Variants in TMEM232 observed in about 807,000 individuals in gnomAD.
TMEM232 encodes the protein transmembrane protein 232.
A neutral mutation model predicts 78.8 loss-of-function variants in TMEM232; 80 were observed. That is an observed-to-expected ratio of 1.01 (90% CI 0.85 to 1.22). TMEM232 has a LOEUF of 1.22. Among genes scored for constraint, TMEM232 ranks in the 50% most tolerant of loss-of-function variants. TMEM232 has a pLI of 0.00. For synonymous variants in TMEM232, 297 were observed against 254.3 expected (o/e 1.17, Z -1.60); for missense variants, 881 against 742.2 (o/e 1.19, Z -2.17).
At chr5:110,594,647 T>G (rs558741320) in intron 10 of TMEM232, among the ~76,000 whole-genome samples, 1 of 152,244 alleles carries the variant, frequency 6.6e-6, no homozygotes, top group African/African-American at 2.4e-5. Context: ...TTACTGCAAC[T>G]CCAGTAGGCA....
intron 11 of TMEM232, among the ~76,000 whole-genome samples, chr5:110,544,410 G>A (rs1773521140): frequency 1.7e-5 from 2 of 120,822 alleles, no homozygotes; most frequent in African/African-American, 3.2e-5. Context: ...CAGCCCAAAG[G>A]AATTAGGATG....
intron 10 of TMEM232, among the ~76,000 whole-genome samples, chr5:110,596,072 G>A (rs1780122252): frequency 6.6e-6 from 1 of 152,106 alleles, no homozygotes; most frequent in Non-Finnish European, 1.5e-5. Flanking sequence ...ACTAACGGCA[G>A]ATCTCTCAGC....
chr5:110,588,743 T>C (rs1193801079), intron 10 of TMEM232, among the ~76,000 whole-genome samples: 1 of 152,182 alleles, frequency 6.6e-6, no homozygotes, highest in Non-Finnish European at 1.5e-5. Context: ...TTTGGGAGAC[T>C]GGGAGTCCTA....
intron 12 of TMEM232, among the ~76,000 whole-genome samples, chr5:110,500,302 A>T (rs1766115577): frequency 6.6e-6 from 1 of 151,130 alleles, no homozygotes; most frequent in Non-Finnish European, 1.5e-5. Context: ...AAAAAAAAAA[A>T]AAAAAGAAAG....
At chr5:110,415,256 C>T (rs536544421), downstream of TMEM232, among the ~76,000 whole-genome samples, 266 of 151,336 alleles carry the variant, frequency 1.8e-3, 2 homozygotes, top group African/African-American at 6.1e-3. Flanking sequence ...GGTGCGATCT[C>T]GGTTCACTGC....
chr5:110,725,478 A>G (rs1473050768), intron 1 of TMEM232: 1 of 152,238 alleles, frequency 6.6e-6, no homozygotes, highest in Non-Finnish European at 1.5e-5. Context: ...CAAATTTATC[A>G]TAACAATGAA....
chr5:110,432,383 C>T (rs985502376), intron 12 of TMEM232, among the ~76,000 whole-genome samples: 6 of 151,644 alleles, frequency 4.0e-5, no homozygotes, highest in Middle Eastern at 3.4e-3. Flanking sequence ...CCTGCCAAAC[C>T]GAGCTTCATA....
upstream of TMEM232, chr5:110,738,203 G>T (rs1289941902): frequency 4.7e-6 from 6 of 1,286,218 alleles, no homozygotes; most frequent in Non-Finnish European, 6.1e-6. Flanking sequence ...CCTCAGATCT[G>T]GGGAGGGAGC....
intron 10 of TMEM232, among the ~76,000 whole-genome samples, chr5:110,583,742 G>T (rs1778468983): frequency 6.6e-6 from 1 of 151,552 alleles, no homozygotes; most frequent in South Asian, 2.1e-4. Flanking sequence ...TCTATATGTT[G>T]AAACATTAAT....
At chr5:110,686,292 G>T (rs1054247895) in intron 1 of TMEM232, among the ~76,000 whole-genome samples, 1 of 151,972 alleles carries the variant, frequency 6.6e-6, no homozygotes, top group East Asian at 1.9e-4. Context: ...GGGTCTCTTG[G>T]GACATGCAGA....
rs574073655 is a variant in TMEM232, at chr5:110,399,220, A to G, written n.309-1366T>C. The stretch of plus-strand genomic sequence containing the variant: ...TGACAGTTGGTTTTCTTCTGAGCAT[A>G]GCCATTAATCCTGCTGTCAGGAGGA... On this transcript the variant is annotated intron_variant and non_coding_transcript_variant, in intron 2 of 8. Coordinates refer to the TMEM232 transcript ENST00000507188. 2.2e-4 allele frequency among the ~76,000 whole-genome samples: 33 copies of G among 152,216 alleles called. 1 individual carries two copies. Among genetic ancestry groups the G allele is most frequent in the Admixed American group, 7.2e-4 (11 of 15,282 alleles).
intron 12 of TMEM232, among the ~76,000 whole-genome samples, chr5:110,465,736 G>A (rs1051160227): frequency 1.3e-5 from 2 of 152,036 alleles, no homozygotes; most frequent in African/African-American, 4.8e-5. Flanking sequence ...AAAAAATTGG[G>A]TGTTACTAAT....
chr5:110,588,188 A>G lies in TMEM232; in HGVS notation c.1276+16921T>C, dbSNP rs149310368. On this transcript the variant is annotated intron_variant, in intron 10 of 13. Coordinates refer to ENST00000455884, the MANE Select transcript of TMEM232 (RefSeq NM_001039763.4). ...GTTAAAATGAATCAAAATGAAACATACAAAGCTATTTCACAACTGTGACAT... is the reference window on the plus strand; with the variant it reads ...GTTAAAATGAATCAAAATGAAACATGCAAAGCTATTTCACAACTGTGACAT... Among the ~76,000 whole-genome samples, 1,474 of 152,264 alleles carry G rather than the reference A, an allele frequency of 9.7e-3. 8 individuals are homozygous for G. The highest frequency in any genetic ancestry group is 0.02 in the Middle Eastern group (6 of 294).
rs187341142 is a variant in TMEM232 at position 110,698,616 on chromosome 5, C to T, written c.-13+28011G>A. On this transcript the variant is annotated intron_variant, in intron 1 of 13. Transcript: ENST00000455884. ...GTTTGATCCAACTCTAGGGGAACCA[C>T]TGGGTTTACATGGTGGGTTACCTGG... Among the ~76,000 whole-genome samples, 155 of 152,114 alleles carry T rather than the reference C, an allele frequency of 1.0e-3. 1 individual carries two copies. The highest frequency in any genetic ancestry group is 1.7e-3 in the Non-Finnish European group (117 of 67,952).
chr5:110,525,135 G>A (rs1770380185), intron 12 of TMEM232, among the ~76,000 whole-genome samples: 1 of 150,178 alleles, frequency 6.7e-6, no homozygotes, highest in Non-Finnish European at 1.5e-5. Flanking sequence ...ATGATTAACT[G>A]GAAAACACTA....
At chr5:110,554,489 T>G (rs1455291050) in intron 11 of TMEM232, among the ~76,000 whole-genome samples, 1 of 152,176 alleles carries the variant, frequency 6.6e-6, no homozygotes, top group African/African-American at 2.4e-5. Context: ...GGTCTTTCCC[T>G]CTAGAGAACC....
intron 11 of TMEM232, among the ~76,000 whole-genome samples, chr5:110,563,523 A>T (rs1403447795): frequency 2.0e-5 from 3 of 151,914 alleles, no homozygotes; most frequent in Non-Finnish European, 4.4e-5. Flanking sequence ...ATGGAAACAG[A>T]ACAAAAAGAA....
intron 11 of TMEM232, among the ~76,000 whole-genome samples, chr5:110,537,018 G>A (rs1162015374): frequency 6.6e-6 from 1 of 152,102 alleles, no homozygotes; most frequent in Non-Finnish European, 1.5e-5. Flanking sequence ...CTAAGACAGG[G>A]CTCAAAAGGT....
chr5:110,658,788 T>C (rs997127495), intron 2 of TMEM232, among the ~76,000 whole-genome samples: 1 of 152,186 alleles, frequency 6.6e-6, no homozygotes, highest in African/African-American at 2.4e-5. Flanking sequence ...CTACCAAAGA[T>C]GGACAAATTG....
Sources: allele counts gnomAD v4.1 joint callset (sites outside exome capture counted in the v4.1 genomes callset), GRCh38; gene constraint gnomAD v4.1.1; transcripts MANE v1.5; gene names NCBI Gene and HGNC (gene_info 2026-07-23, HGNC 2026-07-21).